CXCL13: variants seen among roughly 807,000 people sequenced by gnomAD.
CXCL13 encodes C-X-C motif chemokine ligand 13.
In CXCL13, 7 loss-of-function variants were observed where a neutral mutation model predicts 12.2. That is an observed-to-expected ratio of 0.57 (90% CI 0.33 to 1.07). CXCL13 has a LOEUF of 1.07. Among genes scored for constraint, CXCL13 ranks in the 50% least tolerant of loss-of-function variants. CXCL13 has a pLI of 0.04. For synonymous variants in CXCL13, 47 were observed against 42.4 expected (o/e 1.11, Z -0.42); for missense variants, 113 against 127.4 (o/e 0.89, Z 0.55).
intron 1 of CXCL13, among the ~76,000 whole-genome samples, chr4:77,591,020 C>T (rs1726593441): frequency 1.3e-5 from 2 of 152,176 alleles, no homozygotes; most frequent in Admixed American, 6.5e-5. Flanking sequence ...GCTGGGATTA[C>T]AGGCATGCAC....
intron 1 of CXCL13, among the ~76,000 whole-genome samples, chr4:77,517,018 G>A (rs561273802): frequency 2.8e-4 from 42 of 152,088 alleles, no homozygotes; most frequent in African/African-American, 5.1e-4. Flanking sequence ...CTTTGTTCTC[G>A]TTGGTTTCAA....
chr4:77,584,277 T>C (rs568405292), intron 1 of CXCL13, among the ~76,000 whole-genome samples: 1 of 152,302 alleles, frequency 6.6e-6, no homozygotes, highest in South Asian at 2.1e-4. Flanking sequence ...TCCTCTCACA[T>C]CACAGTTCTG....
chr4:77,513,426 C>A (rs1724321165), intron 1 of CXCL13, among the ~76,000 whole-genome samples: 1 of 152,024 alleles, frequency 6.6e-6, no homozygotes, highest in African/African-American at 2.4e-5. Flanking sequence ...TATTTCTCCA[C>A]ATCCTCTCCA....
intron 1 of CXCL13, among the ~76,000 whole-genome samples, chr4:77,549,885 G>A (rs1725463825): frequency 6.6e-6 from 1 of 152,218 alleles, no homozygotes; most frequent in African/African-American, 2.4e-5. Context: ...CTGTCAGACT[G>A]GGACGTTTAA....
chr4:77,525,798 G>A (rs1230088840), intron 1 of CXCL13, among the ~76,000 whole-genome samples: 4 of 152,020 alleles, frequency 2.6e-5, no homozygotes. Flanking sequence ...CACACCTGGG[G>A]TTCTTTTAAA....
chr4:77,564,620 C>T (rs1725881413), intron 1 of CXCL13, among the ~76,000 whole-genome samples: 1 of 152,158 alleles, frequency 6.6e-6, no homozygotes, highest in Non-Finnish European at 1.5e-5. Flanking sequence ...ATTATTGTTC[C>T]TATACCACCA....
At chr4:77,538,852 G>A (rs1337743723) in intron 1 of CXCL13, among the ~76,000 whole-genome samples, 2 of 152,144 alleles carry the variant, frequency 1.3e-5, no homozygotes, top group African/African-American at 4.8e-5. Flanking sequence ...ATATGTTATC[G>A]GCAGCCAATC....
chr4:77,584,636 G>A (rs146821398), intron 1 of CXCL13, among the ~76,000 whole-genome samples: 1 of 152,298 alleles, frequency 6.6e-6, no homozygotes, highest in East Asian at 1.9e-4. Flanking sequence ...TAGGGCACAG[G>A]AAATGCTGAG....
chr4:77,580,990 T>C (rs1203468885), intron 1 of CXCL13, among the ~76,000 whole-genome samples: 5 of 151,776 alleles, frequency 3.3e-5, no homozygotes, highest in African/African-American at 7.3e-5. Context: ...AAGTGAAATA[T>C]GCCAGTCACA....
Position 77,521,178 on chromosome 4 carries a change from C to CT in CXCL13, c.-43+9397dup, listed in dbSNP as rs1375309143. Among the ~76,000 whole-genome samples, 5 of 152,248 alleles carry CT rather than the reference C, an allele frequency of 3.3e-5. No homozygotes were observed. The East Asian group carries it at 5.8e-4, about 18-fold the overall frequency. ...ATCAGGGATATTGGACTAAAATTCT[C>CT]TTTTTTTGTTGTGTCTCTGCCAGGC... On this transcript the variant is annotated intron_variant, in intron 1 of 4. Coordinates refer to the CXCL13 transcript ENST00000286758.
At chr4:77,555,572 A>T (rs143589766) in intron 1 of CXCL13, among the ~76,000 whole-genome samples, 1 of 152,262 alleles carries the variant, frequency 6.6e-6, no homozygotes, top group Non-Finnish European at 1.5e-5. Flanking sequence ...AATGTTTACA[A>T]CAAAACATAG....
intron 1 of CXCL13, among the ~76,000 whole-genome samples, chr4:77,548,928 G>T (rs1009523957): frequency 6.6e-6 from 1 of 152,172 alleles, no homozygotes; most frequent in African/African-American, 2.4e-5. Context: ...CCTGAAGAGT[G>T]TTTTCCAACT....
intron 1 of CXCL13, among the ~76,000 whole-genome samples, chr4:77,577,627 T>A (rs1397861154): frequency 6.6e-6 from 1 of 152,186 alleles, no homozygotes; most frequent in Non-Finnish European, 1.5e-5. Flanking sequence ...TCAGAGTGGA[T>A]ATTCCCACCA....
intron 1 of CXCL13, among the ~76,000 whole-genome samples, chr4:77,570,755 A>C (rs757766227): frequency 2.7e-5 from 4 of 149,458 alleles, no homozygotes; most frequent in Non-Finnish European, 5.9e-5. Context: ...TCCTATAGTC[A>C]GAGCGGTCGG....
chr4:77,587,734 G>A (rs528300486), intron 1 of CXCL13, among the ~76,000 whole-genome samples: 1 of 152,334 alleles, frequency 6.6e-6, no homozygotes, highest in Admixed American at 6.5e-5. Flanking sequence ...GGAAGAGCCA[G>A]GATTCAAGTC....
chr4:77,587,002 G>T (rs938980628), intron 1 of CXCL13, among the ~76,000 whole-genome samples: 11 of 152,206 alleles, frequency 7.2e-5, no homozygotes, highest in African/African-American at 2.7e-4. Flanking sequence ...GTGACAGATG[G>T]TGTGAAACCA....
chr4:77,527,326 C>T (rs1474261647), intron 1 of CXCL13, among the ~76,000 whole-genome samples: 1 of 152,166 alleles, frequency 6.6e-6, no homozygotes, highest in Non-Finnish European at 1.5e-5. Flanking sequence ...CTCTGGAAAA[C>T]AGTTTTGCAG....
intron 1 of CXCL13, among the ~76,000 whole-genome samples, chr4:77,524,360 G>A (rs1724707000): frequency 6.6e-6 from 1 of 152,198 alleles, no homozygotes; most frequent in African/African-American, 2.4e-5. Context: ...GAGGCAGTAG[G>A]CCTTGCTGAG....
rs560414177 is a variant in CXCL13 at position 77,571,427 on chromosome 4, G to A, written c.-42-34397G>A. Among the ~76,000 whole-genome samples the A allele has an allele frequency of 2.3e-3, 339 of 146,454 alleles. 6 individuals are homozygous for A. The highest frequency in any genetic ancestry group is 6.3e-3 in the African/African-American group (249 of 39,382). On this transcript the variant is annotated intron_variant, in intron 1 of 4. Transcript: ENST00000286758. ...CTCAGGGATTGTAAATACACCAATC[G>A]GCACTCTGTATCTAGCTCAAGGTTT...
Sources: allele counts gnomAD v4.1 joint callset (sites outside exome capture counted in the v4.1 genomes callset), GRCh38; gene constraint gnomAD v4.1.1; transcripts MANE v1.5; gene names NCBI Gene and HGNC (gene_info 2026-07-23, HGNC 2026-07-21).